ZNF878: variants seen among roughly 807,000 people sequenced by gnomAD.
ZNF878 encodes the protein zinc finger protein 878.
A neutral mutation model predicts 11.1 loss-of-function variants in ZNF878; 10 were observed. That is an observed-to-expected ratio of 0.90 (90% CI 0.56 to 1.53). ZNF878 has a LOEUF of 1.53. Ranked by LOEUF, ZNF878 falls within the 40% of genes most tolerant of loss-of-function variation. The pLI is 0.00. For missense variants in ZNF878, 548 were observed against 626.1 expected, an observed-to-expected ratio of 0.88 and a Z score of 1.33; for synonymous variants, 165 against 209.7, an observed-to-expected ratio of 0.79 and a Z score of 1.84.
At chr19:12,046,607 T>C (rs779611835) in intron 2 of ZNF878, 27 bp downstream of exon 2, 1 of 1,613,634 alleles carries the variant, frequency 6.2e-7, no homozygotes, top group South Asian at 1.1e-5. Flanking sequence ...TTTAATTCAC[T>C]GAGGGAAGTA....
rs1314011926 is a variant in ZNF878 at position 12,046,641 on chromosome 19, G to A, written c.123C>T (p.Thr41=). The A allele has an allele frequency of 3.1e-6, 5 of 1,613,972 alleles. No homozygotes were observed. The highest frequency in any genetic ancestry group is 2.2e-5 in the South Asian group (2 of 91,078). ...TAATACTGTCATTCTTACCTATGGAGGTCAGGTTCCTCAAGGTTTCCTGCA... is the reference window on the plus strand; with the variant it reads ...TAATACTGTCATTCTTACCTATGGAAGTCAGGTTCCTCAAGGTTTCCTGCA... The part of the protein sequence containing the change: ...EVMQETLRNL[T]SIGKKWNNQY... Residue 41 remains threonine (T), a synonymous_variant, in exon 2 of 4, where the codon ACC becomes ACT. Coordinates refer to ENST00000547628, the MANE Select transcript of ZNF878 (RefSeq NM_001080404.3).
At chr19:12,049,139 CA>C (rs1291167469) in intron 1 of ZNF878, among the ~76,000 whole-genome samples, 1,757 of 68,530 alleles carry the variant, frequency 0.026, 21 homozygotes, top group Middle Eastern at 0.079. Context: ...AGCTCCGTCT[CA>C]AAAAAAAAAA....
chr19:12,046,411 G>A lies in ZNF878; in HGVS notation c.148C>T (p.Gln50Ter), dbSNP rs1267867582. ...TTTTGGTGCTCATCTTCAATGTACT[G>A]GTTGTTCCATTTTTTTCCTAAAATG... ...LTSIGKKWNN[Q>*]YIEDEHQNPR... Residue 50 changes from glutamine to a stop codon, truncating the protein, a stop_gained, in exon 3 of 4, where the codon CAG becomes TAG. Transcript: ENST00000547628. LOFTEE classifies it low-confidence loss of function (END_TRUNC). 1.3e-6 allele frequency: 2 copies of A among 1,577,410 alleles called. No individual in the cohort carries two copies. Among genetic ancestry groups the A allele is most frequent in the Non-Finnish European group, 1.7e-6 (2 of 1,161,266 alleles).
chr19:12,046,317 A>G lies in ZNF878; in HGVS notation c.191+51T>C, dbSNP rs111792811. On this transcript the variant is annotated intron_variant, in intron 3 of 3. Coordinates refer to ENST00000547628, the MANE Select transcript of ZNF878 (RefSeq NM_001080404.3). ...TTGCTTCTTTTTAACCTTTTCTTCC[A>G]TTCTAAGATTGTATACAGAGACATT... 922 of 1,320,034 alleles carry G rather than the reference A, an allele frequency of 7.0e-4. 3 individuals are homozygous for G. In the African/African-American group the frequency reaches 0.012, roughly 17 times the overall value. The allele number at this position is 1,320,034 out of a possible 1,614,324, so 81.8% of individuals were successfully genotyped here. A position where few individuals can be genotyped will look rare whatever the true frequency, so the allele number is the denominator to read the frequency against.
chr19:12,045,279 G>T, intron 3 of ZNF878, 70 bp from the exon 4 acceptor site: 2 of 1,296,380 alleles, frequency 1.5e-6, no homozygotes, highest in African/African-American at 1.5e-5. Flanking sequence ...TATTACACTT[G>T]CATTTTTAAC....
chr19:12,049,228 T>C (rs1192427676), intron 1 of ZNF878, among the ~76,000 whole-genome samples: 1 of 150,398 alleles, frequency 6.6e-6, no homozygotes, highest in Non-Finnish European at 1.5e-5. Context: ...TCCAGCACTT[T>C]GGGAGGTGGA....
Position 12,043,969 on chromosome 19 carries a change from G to T in ZNF878, c.1432C>A (p.Pro478Thr). 6.2e-7 allele frequency: 1 copy of T among 1,610,784 alleles called. No individual in the cohort carries two copies. Among genetic ancestry groups the T allele is most frequent in the South Asian group, 1.1e-5 (1 of 90,828 alleles). The change falls in exon 4 of 4, where the codon CCC becomes ACC. Residue 478 changes from proline to threonine, a missense_variant. By Grantham distance (38) the Pro-to-Thr change is conservative. Around this residue, in one of 3 missense-constraint regions of ZNF878, gnomAD observed 335 missense variants for 358.2 expected, o/e 0.94. Coordinates refer to ENST00000547628, the MANE Select transcript of ZNF878 (RefSeq NM_001080404.3). ...TTCCCACACTGTTTACATTTATAGG[G>T]TTTCTCTCCAGTGTGAGTCCTTTTA... ...YHKRTHTGEK[P>T]YKCKQCGKAF...
intron 1 of ZNF878, among the ~76,000 whole-genome samples, chr19:12,050,140 G>T (rs556961838): frequency 6.6e-6 from 1 of 151,904 alleles, no homozygotes; most frequent in African/African-American, 2.4e-5. Flanking sequence ...CAGGAGAATC[G>T]ATTGAACCCG....
chr19:12,049,551 C>G lies in ZNF878; in HGVS notation c.4-2791G>C, dbSNP rs1975531106. On this transcript the variant is annotated intron_variant, in intron 1 of 3. Coordinates refer to ENST00000547628, the MANE Select transcript of ZNF878 (RefSeq NM_001080404.3). ...CTTTGGGAAGCCAAGGCGGGTGGAGCATGAGGTCAGGAGTTCAAGACCAGC... is the reference window on the plus strand; with the variant it reads ...CTTTGGGAAGCCAAGGCGGGTGGAGGATGAGGTCAGGAGTTCAAGACCAGC... Among the ~76,000 whole-genome samples, 4 of 148,918 alleles carry G rather than the reference C, an allele frequency of 2.7e-5. 1 individual carries two copies. The Admixed American group carries it at 2.7e-4, about 10-fold the overall frequency.
chr19:12,051,370 T>G (rs2145528537), intron 1 of ZNF878, among the ~76,000 whole-genome samples: 1 of 152,274 alleles, frequency 6.6e-6, no homozygotes, highest in South Asian at 2.1e-4. Flanking sequence ...TTGTATTAAA[T>G]TAATTGTACA....
At chr19:12,045,681 T>C (rs1403418903) in intron 3 of ZNF878, among the ~76,000 whole-genome samples, 1 of 152,110 alleles carries the variant, frequency 6.6e-6, no homozygotes, top group Non-Finnish European at 1.5e-5. Context: ...GCCATATCTC[T>C]TATCAAAAAA....
Position 12,046,161 on chromosome 19 carries a change from A to C in ZNF878, c.191+207T>G, listed in dbSNP as rs1327516396. 2.8e-5 allele frequency: 14 copies of C among 493,780 alleles called. No homozygotes were observed. In the East Asian group the frequency reaches 4.2e-4, roughly 15 times the overall value. 30.6% of individuals were successfully genotyped at this position (493,780 alleles called of 1,614,324 possible). On this transcript the variant is annotated intron_variant, in intron 3 of 3. Transcript: ENST00000547628. ...TGACTCAGTGCAACCTCAAACTCCC[A>C]GGTTCAAGCGATCTTCCATCCTGAC...
chr19:12,044,716 A>G lies in ZNF878; in HGVS notation c.685T>C (p.Cys229Arg), dbSNP rs1599388567. Residue 229 changes from cysteine to arginine, a missense_variant, in exon 4 of 4, where the codon TGT (cysteine) becomes CGT (arginine). Transcript: ENST00000547628. ...AAAAAGGCTTTCCCACATATGTTACATTTATGAGGTCTCTCTCCAGTGTGC... is the reference window on the plus strand; with the variant it reads ...AAAAAGGCTTTCCCACATATGTTACGTTTATGAGGTCTCTCTCCAGTGTGC... ...RMHTGERPHK[C>R]NICGKAFFSP... 1.2e-6 allele frequency: 2 copies of G among 1,614,142 alleles called. No individual in the cohort carries two copies. Among genetic ancestry groups the G allele is most frequent in the Middle Eastern group, 1.6e-4 (1 of 6,062 alleles).
chr19:12,045,286 T>G, intron 3 of ZNF878, 77 bp from the exon 4 acceptor site: 1 of 1,195,862 alleles, frequency 8.4e-7, no homozygotes, highest in Non-Finnish European at 1.1e-6. Flanking sequence ...CTTGCATTTT[T>G]AACAGTGCCC....
chr19:12,052,692 G>C, intron 1 of ZNF878, 107 bp downstream of exon 1: 1 of 1,400,028 alleles, frequency 7.1e-7, no homozygotes. Context: ...ACTGTGTCTG[G>C]AGCCCAGAGT....
intron 1 of ZNF878, among the ~76,000 whole-genome samples, chr19:12,048,848 G>GAAAAGA (rs894229053): frequency 2.1e-5 from 3 of 140,764 alleles, no homozygotes; most frequent in African/African-American, 8.4e-5. Context: ...AAAAAAAAAA[G>GAAAAGA]AAAAGAAAAA....
In ZNF878 at chr19:12,044,098, C is replaced by A. The variant is rs1489384536; in HGVS notation, c.1303G>T (p.Ala435Ser). 1.2e-6 allele frequency: 2 copies of A among 1,612,538 alleles called. No homozygotes were observed. The highest frequency in any genetic ancestry group is 3.3e-5 in the Admixed American group (2 of 59,854). ...CKQCGKVFRV[A>S]SQLKMHERTH... ...CTTTCATGCATTTTAAGTTGTGAGG[C>A]AACTCTAAAGACTTTACCACATTGC... Residue 435 changes from alanine to serine, a missense_variant, in exon 4 of 4, where the codon GCC (alanine) becomes TCC (serine). Physicochemically the swap from Ala to Ser is moderately conservative, Grantham distance 99. Around this residue, in one of 3 missense-constraint regions of ZNF878, gnomAD observed 335 missense variants for 358.2 expected, o/e 0.94. Coordinates refer to ENST00000547628, the MANE Select transcript of ZNF878 (RefSeq NM_001080404.3).
chr19:12,052,605 G>A (rs1008237874), intron 1 of ZNF878, among the ~76,000 whole-genome samples, 194 bp downstream of exon 1: 7 of 152,216 alleles, frequency 4.6e-5, no homozygotes, highest in Non-Finnish European at 8.8e-5. Flanking sequence ...GGACCGGACA[G>A]GACGCCCGGG....
At chr19:12,051,480 T>G (rs1432084293) in intron 1 of ZNF878, among the ~76,000 whole-genome samples, 1 of 152,096 alleles carries the variant, frequency 6.6e-6, no homozygotes, top group Non-Finnish European at 1.5e-5. Context: ...AGTCTCATTC[T>G]TTCACCATGG....
Sources: gnomAD v4.1 joint callset for allele counts (sites outside exome capture counted in the v4.1 genomes callset) on GRCh38, gnomAD v4.1.1 for gene constraint, gnomAD v4.1.1 regional missense constraint, MANE v1.5 for transcripts, NCBI Gene and HGNC (gene_info 2026-07-23, HGNC 2026-07-21) for gene names.